Variants in ZNF536 observed in about 807,000 individuals in gnomAD.
ZNF536 encodes zinc finger protein 536.
In ZNF536, 13 loss-of-function variants were observed where a neutral mutation model predicts 84.5. The ratio of observed to expected loss-of-function variants is 0.15; its 90% CI spans 0.10 to 0.24. ZNF536 has a LOEUF of 0.24. Ranked by LOEUF, ZNF536 falls within the 10% of genes least tolerant of loss-of-function variation. The pLI is 1.00. For synonymous variants in ZNF536, 811 were observed against 742.5 expected (o/e 1.09, Z -1.50); for missense variants, 1,536 against 1,747.5 (o/e 0.88, Z 2.16).
upstream of ZNF536, among the ~76,000 whole-genome samples, chr19:30,226,015 C>T (rs1490453996): frequency 6.6e-6 from 1 of 151,890 alleles, no homozygotes; most frequent in African/African-American, 2.4e-5. The surrounding 1 kb of genome is among the most constrained non-coding windows in gnomAD (Gnocchi z 4.6). Context: ...TAGAGAACTT[C>T]GGCGGCGAGC....
chr19:30,437,538 C>T (rs977141323), intron 1 of ZNF536, among the ~76,000 whole-genome samples: 6 of 152,094 alleles, frequency 3.9e-5, no homozygotes, highest in Non-Finnish European at 7.3e-5. Context: ...AGCCTTCACC[C>T]GGGGCCCCTG....
intron 2 of ZNF536, among the ~76,000 whole-genome samples, chr19:30,455,160 ATAAAG>A (rs2148354490): frequency 6.6e-6 from 1 of 152,306 alleles, no homozygotes; most frequent in East Asian, 1.9e-4. Flanking sequence ...TTTTCTTACT[ATAAAG>A]TAATTCTTGT....
chr19:30,673,523 C>G (rs1281259969), intron 1 of ZNF536, among the ~76,000 whole-genome samples: 3 of 152,176 alleles, frequency 2.0e-5, no homozygotes, highest in African/African-American at 7.2e-5. Flanking sequence ...GGGACTGGCA[C>G]ATACATCGCC....
intron 1 of ZNF536, among the ~76,000 whole-genome samples, chr19:30,386,480 T>A (rs28451519): frequency 0.018 from 2,782 of 152,260 alleles, 85 homozygotes; most frequent in African/African-American, 0.061. Context: ...TGGGCTCAGG[T>A]GATCCTCCTA....
chr19:30,519,555 C>A (rs931119929), intron 2 of ZNF536, among the ~76,000 whole-genome samples: 8 of 152,222 alleles, frequency 5.3e-5, no homozygotes, highest in African/African-American at 1.7e-4. Context: ...AGATTCCCCA[C>A]GTCCAGCTTT....
intron 1 of ZNF536, among the ~76,000 whole-genome samples, chr19:30,648,713 A>C (rs2049573749): frequency 6.6e-6 from 1 of 152,244 alleles, no homozygotes. Context: ...AAGGATTTGA[A>C]ATTTTAAAAG....
intron 2 of ZNF536, among the ~76,000 whole-genome samples, chr19:30,533,717 A>G (rs1195331345): frequency 2.6e-5 from 4 of 152,190 alleles, no homozygotes; most frequent in Admixed American, 2.6e-4. Flanking sequence ...TTATCCCAGA[A>G]GGTTCCCTTG....
chr19:30,245,099 C>T lies in ZNF536; in HGVS notation c.-190+16426C>T, dbSNP rs539581915. 1.7e-4 allele frequency among the ~76,000 whole-genome samples: 26 copies of T among 152,306 alleles called. No individual in the cohort carries two copies. The East Asian group carries it at 3.5e-3, about 20-fold the overall frequency. ...ACTGGTCTCCTTTCAGGTCCTCGGA[C>T]ACACAGGCTCCATCCCACTTGAGGG... On this transcript the variant is annotated intron_variant, in intron 1 of 5. Coordinates refer to the ZNF536 transcript ENST00000585628.
intron 1 of ZNF536, among the ~76,000 whole-genome samples, chr19:30,707,501 G>A (rs549030447): frequency 1.3e-5 from 2 of 152,242 alleles, no homozygotes; most frequent in African/African-American, 2.4e-5. Flanking sequence ...TGGCAATCAT[G>A]GCACTGGCCC....
intron 1 of ZNF536, among the ~76,000 whole-genome samples, chr19:30,673,531 G>A (rs898357706): frequency 2.6e-5 from 4 of 152,032 alleles, no homozygotes; most frequent in African/African-American, 9.7e-5. Context: ...CACATACATC[G>A]CCCGCACAGC....
chr19:30,710,142 T>A (rs2052405140), intron 1 of ZNF536, among the ~76,000 whole-genome samples: 1 of 152,234 alleles, frequency 6.6e-6, no homozygotes, highest in Admixed American at 6.5e-5. Flanking sequence ...TCTTGGATTT[T>A]GCCTCTTTGC....
chr19:30,397,580 A>T (rs990147395), intron 1 of ZNF536, among the ~76,000 whole-genome samples: 2 of 152,310 alleles, frequency 1.3e-5, no homozygotes, highest in Non-Finnish European at 2.9e-5. Context: ...GCTTAAAAAA[A>T]CTCAGCTTTT....
At chr19:30,655,857 A>G (rs918922474) in intron 1 of ZNF536, among the ~76,000 whole-genome samples, 14 of 151,986 alleles carry the variant, frequency 9.2e-5, no homozygotes, top group African/African-American at 4.8e-5. Flanking sequence ...TGGGCAACAT[A>G]ATGGGACCCT....
intron 2 of ZNF536, among the ~76,000 whole-genome samples, chr19:30,474,748 C>T (rs1257169289): frequency 6.6e-6 from 1 of 152,162 alleles, no homozygotes; most frequent in Admixed American, 6.5e-5. Flanking sequence ...GATTCATCAT[C>T]AGTCATCATT....
chr19:30,604,634 A>G (rs2047805500), intron 1 of ZNF536, among the ~76,000 whole-genome samples: 1 of 152,238 alleles, frequency 6.6e-6, no homozygotes, highest in Non-Finnish European at 1.5e-5. Context: ...GCATGAGAAA[A>G]GTAATCAGTT....
chr19:30,661,558 C>T (rs1000997950), intron 1 of ZNF536, among the ~76,000 whole-genome samples: 2 of 152,164 alleles, frequency 1.3e-5, no homozygotes, highest in African/African-American at 2.4e-5. Context: ...CCCTCTCACC[C>T]AGCAATTCTA....
At position 30,607,849 on chromosome 19, in the gene ZNF536, A is replaced by G. The variant is rs770298719; in HGVS notation, c.169+58335A>G. 8.5e-5 allele frequency among the ~76,000 whole-genome samples: 13 copies of G among 152,202 alleles called. No individual in the cohort carries two copies. The East Asian group carries it at 9.6e-4, about 11-fold the overall frequency. On this transcript the variant is annotated intron_variant, in intron 1 of 1. Transcript: ENST00000592773. ...AATGTGATCATATAATGATCATACA[A>G]TAGGTATTTTCTGCACTTTGCTTTT...
intron 3 of ZNF536, among the ~76,000 whole-genome samples, chr19:30,540,040 T>C (rs371645597): frequency 6.5e-4 from 99 of 152,350 alleles, no homozygotes; most frequent in African/African-American, 2.3e-3. Context: ...TTTATTAATC[T>C]GGTTTTGATG....
chr19:30,639,594 A>C (rs2049191690), intron 1 of ZNF536, among the ~76,000 whole-genome samples: 1 of 152,236 alleles, frequency 6.6e-6, no homozygotes, highest in Non-Finnish European at 1.5e-5. Flanking sequence ...CTTGCGGAAG[A>C]TCACCATAAG....
Sources: allele counts gnomAD v4.1 joint callset (sites outside exome capture counted in the v4.1 genomes callset), GRCh38; gene constraint gnomAD v4.1.1; non-coding constraint Gnocchi (gnomAD v3.1); transcripts MANE v1.5; gene names NCBI Gene and HGNC (gene_info 2026-07-23, HGNC 2026-07-21).